Variants in DGKI observed in about 807,000 individuals in gnomAD.
DGKI encodes diacylglycerol kinase iota.
Under a neutral mutation model 147.5 loss-of-function variants are expected in DGKI, and 55 were observed. The observed-to-expected ratio is 0.37, with a 90% CI of 0.30 to 0.47. The LOEUF (loss-of-function observed/expected upper bound fraction) is 0.47, where lower values mean the gene tolerates loss of function less well. Among genes scored for constraint, DGKI ranks in the 20% least tolerant of loss-of-function variants. DGKI has a pLI of 1.00. For synonymous variants in DGKI, 469 were observed against 477.1 expected (o/e 0.98, Z 0.22); for missense variants, 1,007 against 1,323.8 (o/e 0.76, Z 3.71).
intron 1 of DGKI, among the ~76,000 whole-genome samples, chr7:137,714,452 C>T (rs993907233): frequency 6.6e-6 from 1 of 151,944 alleles, no homozygotes; most frequent in Non-Finnish European, 1.5e-5. Flanking sequence ...GATGTTTACC[C>T]TAAATAGAGG....
intron 5 of DGKI, 71 bp from the exon 6 acceptor site, chr7:137,645,608 C>A (rs1821797441): frequency 7.3e-7 from 1 of 1,378,508 alleles, no homozygotes; most frequent in Non-Finnish European, 9.9e-7. Context: ...GCTCTGTCAC[C>A]CACACTGGAG....
intron 27 of DGKI, among the ~76,000 whole-genome samples, chr7:137,453,752 A>C (rs1428096776): frequency 6.6e-6 from 1 of 152,122 alleles, no homozygotes; most frequent in African/African-American, 2.4e-5. Context: ...ATTTGTGTGG[A>C]GGGAAGGAAA....
intron 15 of DGKI, among the ~76,000 whole-genome samples, chr7:137,581,059 AAGAG>A (rs143276860): frequency 8.6e-5 from 13 of 151,290 alleles, no homozygotes; most frequent in South Asian, 2.1e-4. Context: ...ATGAGACAGA[AAGAG>A]AGAGAGAGAG....
chr7:137,771,315 T>C (rs1015622185), intron 1 of DGKI, among the ~76,000 whole-genome samples: 2 of 152,152 alleles, frequency 1.3e-5, no homozygotes, highest in Admixed American at 6.5e-5. Flanking sequence ...GGTCTCAAAC[T>C]CCGGACCTCA....
At chr7:137,673,539 T>C (rs767664140) in intron 3 of DGKI, among the ~76,000 whole-genome samples, 1 of 152,220 alleles carries the variant, frequency 6.6e-6, no homozygotes, top group Non-Finnish European at 1.5e-5. Flanking sequence ...CTGTGGTCTA[T>C]CTCAGTAGCA....
chr7:137,600,272 G>T (rs1465800625), intron 10 of DGKI, among the ~76,000 whole-genome samples: 2 of 152,118 alleles, frequency 1.3e-5, no homozygotes, highest in Non-Finnish European at 2.9e-5. Flanking sequence ...GTGAGTGAAT[G>T]AATGATGAAT....
intron 6 of DGKI, among the ~76,000 whole-genome samples, chr7:137,643,088 G>C (rs969711134): frequency 6.6e-6 from 1 of 151,484 alleles, no homozygotes; most frequent in African/African-American, 2.4e-5. Flanking sequence ...TCAGGAGATC[G>C]AGACCATCTT....
At chr7:137,476,575 T>C (rs1815179405) in intron 23 of DGKI, among the ~76,000 whole-genome samples, 1 of 152,222 alleles carries the variant, frequency 6.6e-6, no homozygotes, top group Admixed American at 6.5e-5. Flanking sequence ...GACACTGCCA[T>C]AGAGATAATT....
At chr7:137,840,725 A>G (rs1418823209) in intron 1 of DGKI, among the ~76,000 whole-genome samples, 1 of 152,268 alleles carries the variant, frequency 6.6e-6, no homozygotes, top group Non-Finnish European at 1.5e-5. Context: ...AGGTTTCTTT[A>G]GTAGAAAAGA....
At chr7:137,586,492 G>T (rs1819403095) in intron 13 of DGKI, among the ~76,000 whole-genome samples, 1 of 152,020 alleles carries the variant, frequency 6.6e-6, no homozygotes, top group Non-Finnish European at 1.5e-5. Flanking sequence ...TACACAGTGT[G>T]TGTATATATA....
chr7:137,517,293 A>AAG (rs1816793387), intron 21 of DGKI, among the ~76,000 whole-genome samples: 1 of 131,976 alleles, frequency 7.6e-6, no homozygotes. Context: ...GAAAGAAAGA[A>AAG]AGAAAGAAAG....
chr7:137,588,678 G>A (rs1020695291), intron 12 of DGKI, among the ~76,000 whole-genome samples: 6 of 151,866 alleles, frequency 4.0e-5, no homozygotes, highest in East Asian at 1.9e-4. Flanking sequence ...GGGTTTCACC[G>A]TGTTAGCCAG....
intron 30 of DGKI, among the ~76,000 whole-genome samples, chr7:137,407,169 A>G (rs957474141): frequency 4.6e-5 from 7 of 152,206 alleles, no homozygotes; most frequent in African/African-American, 1.7e-4. Flanking sequence ...CTTTATTCCT[A>G]GAAATACTAC....
intron 20 of DGKI, among the ~76,000 whole-genome samples, chr7:137,527,412 G>C (rs946950194): frequency 2.0e-5 from 3 of 152,122 alleles, no homozygotes; most frequent in African/African-American, 7.2e-5. Flanking sequence ...AACATCAGTA[G>C]GGATACAAGA....
intron 23 of DGKI, among the ~76,000 whole-genome samples, chr7:137,472,371 T>TATATGTATATATACATATA (rs1563040364): frequency 3.5e-5 from 1 of 28,564 alleles, no homozygotes; most frequent in East Asian, 1.3e-3. Context: ...TACATATAAT[T>TATATGTATATATACATATA]ATTATATGTA....
At chr7:137,541,777 T>C (rs1376244728) in intron 20 of DGKI, among the ~76,000 whole-genome samples, 1 of 151,590 alleles carries the variant, frequency 6.6e-6, no homozygotes, top group East Asian at 1.9e-4. Flanking sequence ...CAGAACTAAA[T>C]GCAAAATAGA....
chr7:137,775,300 A>C (rs1281371051), intron 1 of DGKI, among the ~76,000 whole-genome samples: 1 of 152,198 alleles, frequency 6.6e-6, no homozygotes, highest in Non-Finnish European at 1.5e-5. Context: ...GACAATCAAG[A>C]AGTTTTATCA....
At chr7:137,512,576 GTA>G (rs1170235352) in intron 21 of DGKI, among the ~76,000 whole-genome samples, 2 of 152,184 alleles carry the variant, frequency 1.3e-5, no homozygotes, top group Non-Finnish European at 2.9e-5. Flanking sequence ...ATAATTTTGA[GTA>G]TGTGTTACAT....
Position 137,502,526 on chromosome 7 carries a change from A to C in DGKI, c.2249-14837T>G, listed in dbSNP as rs1397566456. Among the ~76,000 whole-genome samples, 4 of 151,930 alleles carry C rather than the reference A, an allele frequency of 2.6e-5. No individual in the cohort carries two copies. The East Asian group carries it at 7.7e-4, about 29-fold the overall frequency. ...GAAAAAGAGAGGAGGATGGAGGAGG[A>C]GGAAGAACAAGGAAGGAGAGGAGGA... On this transcript the variant is annotated intron_variant, in intron 21 of 32. Coordinates refer to ENST00000614521, the MANE Select transcript of DGKI (RefSeq NM_001321708.2).
Sources: gnomAD v4.1 joint callset for allele counts (sites outside exome capture counted in the v4.1 genomes callset) on GRCh38, gnomAD v4.1.1 for gene constraint, MANE v1.5 for transcripts, NCBI Gene and HGNC (gene_info 2026-07-23, HGNC 2026-07-21) for gene names.